RNF144A: variants seen among roughly 807,000 people sequenced by gnomAD.
RNF144A encodes ring finger protein 144A.
Under a neutral mutation model 38.7 loss-of-function variants are expected in RNF144A, and 11 were observed. That is an observed-to-expected ratio of 0.28 (90% CI 0.18 to 0.47). The LOEUF is 0.47. RNF144A is among the 20% of genes least tolerant of loss of function. RNF144A has a pLI of 0.99. For missense variants in RNF144A, 316 were observed against 377.2 expected, an observed-to-expected ratio of 0.84 and a Z score of 1.34; for synonymous variants, 149 against 143.9, an observed-to-expected ratio of 1.04 and a Z score of -0.25.
At chr2:7,039,455 T>A (rs1343261715) in intron 8 of RNF144A, among the ~76,000 whole-genome samples, 174 bp from the exon 9 acceptor site, 1 of 151,724 alleles carries the variant, frequency 6.6e-6, no homozygotes, top group African/African-American at 2.4e-5. Flanking sequence ...ATATGATGGT[T>A]AATGGATGAA....
intron 2 of RNF144A, among the ~76,000 whole-genome samples, chr2:6,960,650 G>A (rs1201712009): frequency 6.6e-6 from 1 of 152,218 alleles, no homozygotes; most frequent in Non-Finnish European, 1.5e-5. Context: ...GATCAGGCAT[G>A]TATTTCATCT....
intron 1 of RNF144A, among the ~76,000 whole-genome samples, chr2:6,931,018 G>A (rs916598754): frequency 5.9e-5 from 9 of 152,214 alleles, no homozygotes; most frequent in Non-Finnish European, 1.2e-4. Context: ...AGCCATGCAA[G>A]CAACCACATT....
chr2:6,938,278 G>A (rs1481007707), intron 1 of RNF144A, among the ~76,000 whole-genome samples: 4 of 113,426 alleles, frequency 3.5e-5, no homozygotes, highest in South Asian at 2.8e-4. Flanking sequence ...ATGGAGTTTC[G>A]CTCTTGTTGC....
intron 1 of RNF144A, among the ~76,000 whole-genome samples, chr2:6,938,539 C>T (rs1164014182): frequency 2.0e-5 from 3 of 152,122 alleles, no homozygotes; most frequent in East Asian, 3.8e-4. Context: ...AGCCACTGTG[C>T]CCGGCCTCTT....
intron 7 of RNF144A, 42 bp from the exon 8 acceptor site, chr2:7,030,084 G>A (rs1388662672): frequency 7.3e-7 from 1 of 1,372,368 alleles, no homozygotes; most frequent in East Asian, 2.3e-5. Context: ...GAACTGAGCA[G>A]GAACCACTCG....
downstream of RNF144A, among the ~76,000 whole-genome samples, chr2:7,071,246 CT>C (rs1357383195): frequency 7.2e-5 from 11 of 152,056 alleles, no homozygotes; most frequent in Non-Finnish European, 1.5e-4. Flanking sequence ...TTTGCTGTGA[CT>C]TTTTTACAGA....
chr2:7,029,694 G>A (rs1672152659), intron 7 of RNF144A, among the ~76,000 whole-genome samples: 1 of 152,250 alleles, frequency 6.6e-6, no homozygotes. Flanking sequence ...GAAGATGCCA[G>A]GGCAGAGGGA....
At chr2:7,004,981 G>A (rs1670346611) in intron 3 of RNF144A, among the ~76,000 whole-genome samples, 1 of 152,194 alleles carries the variant, frequency 6.6e-6, no homozygotes, top group African/African-American at 2.4e-5. Flanking sequence ...TAAGAGTGAG[G>A]TGGTTCTCTT....
chr2:7,001,407 T>A (rs1223654215), intron 3 of RNF144A, among the ~76,000 whole-genome samples: 1 of 152,224 alleles, frequency 6.6e-6, no homozygotes, highest in East Asian at 1.9e-4. Flanking sequence ...CCAGGCACAG[T>A]GTCTCCTGCC....
intron 2 of RNF144A, among the ~76,000 whole-genome samples, chr2:6,960,613 G>A (rs999471272): frequency 2.6e-5 from 4 of 152,160 alleles, no homozygotes; most frequent in Admixed American, 6.5e-5. Flanking sequence ...TACTCAGGTG[G>A]AAGAGCACTG....
intron 6 of RNF144A, among the ~76,000 whole-genome samples, chr2:7,051,262 G>A (rs1446412182): frequency 2.0e-5 from 3 of 152,156 alleles, no homozygotes; most frequent in Non-Finnish European, 4.4e-5. Flanking sequence ...AGCCGCAGAC[G>A]CCCCAAGAGA....
chr2:7,023,794 C>T (rs1458665484), intron 6 of RNF144A, among the ~76,000 whole-genome samples: 1 of 152,236 alleles, frequency 6.6e-6, no homozygotes. Context: ...TGGTTTGTAG[C>T]AGACCCAGCT....
In RNF144A at chr2:7,018,567, G is replaced by A. The variant is rs972317522; in HGVS notation, c.302-1906G>A. Among the ~76,000 whole-genome samples the A allele has an allele frequency of 1.6e-4, 25 of 152,362 alleles. No individual in the cohort carries two copies. In the East Asian group the frequency reaches 4.1e-3, roughly 25 times the overall value. On this transcript the variant is annotated intron_variant, in intron 5 of 8. Coordinates refer to ENST00000320892, the MANE Select transcript of RNF144A (RefSeq NM_014746.6). ...TGCTTTGCTGTGACTGTCAGCTCAG[G>A]GGAGCCCCAGGCATCTGCCCCCACA...
At chr2:7,026,496 TC>T (rs1210743455) in intron 7 of RNF144A, among the ~76,000 whole-genome samples, 1 of 144,810 alleles carries the variant, frequency 6.9e-6, no homozygotes, top group Admixed American at 7.4e-5. Flanking sequence ...TTTACTGTAT[TC>T]CAGTTTTTTT....
intron 1 of RNF144A, among the ~76,000 whole-genome samples, chr2:6,936,844 A>AGTGTGTGTGTGT (rs55971680): frequency 0.07 from 10,035 of 144,084 alleles, 480 homozygotes; most frequent in Non-Finnish European, 0.1. Flanking sequence ...CACACACAGT[A>AGTGTGTGTGTGT]GTGTGTGTGT....
downstream of RNF144A, among the ~76,000 whole-genome samples, chr2:7,045,509 G>C (rs1673270490): frequency 1.3e-5 from 2 of 152,140 alleles, no homozygotes; most frequent in African/African-American, 2.4e-5. Flanking sequence ...GTCTCTGCCT[G>C]CAGGTTCCCA....
intron 7 of RNF144A, among the ~76,000 whole-genome samples, chr2:7,027,775 C>T (rs928716464): frequency 2.6e-5 from 4 of 152,200 alleles, no homozygotes; most frequent in African/African-American, 9.7e-5. Context: ...TCCTGCAGCT[C>T]CTGGGATTGT....
chr2:7,035,748 G>A (rs988379172), intron 8 of RNF144A, among the ~76,000 whole-genome samples: 7 of 152,128 alleles, frequency 4.6e-5, no homozygotes, highest in Non-Finnish European at 1.0e-4. Flanking sequence ...AGATTTGGGG[G>A]AATTCCAACG....
intron 2 of RNF144A, among the ~76,000 whole-genome samples, chr2:6,949,200 C>G (rs1174418211): frequency 6.6e-6 from 1 of 152,134 alleles, no homozygotes; most frequent in Non-Finnish European, 1.5e-5. Context: ...TTTGAAGAAT[C>G]AGAATGAAGA....
Sources: allele counts gnomAD v4.1 joint callset (sites outside exome capture counted in the v4.1 genomes callset), GRCh38; gene constraint gnomAD v4.1.1; transcripts MANE v1.5; gene names NCBI Gene and HGNC (gene_info 2026-07-23, HGNC 2026-07-21).